ABHD2: variants seen among roughly 807,000 people sequenced by gnomAD.
ABHD2 encodes the protein abhydrolase domain containing 2, acylglycerol lipase.
In ABHD2, 20 loss-of-function variants were observed where a neutral mutation model predicts 48.1. The observed-to-expected ratio is 0.42, with a 90% CI of 0.29 to 0.60. The LOEUF (loss-of-function observed/expected upper bound fraction) is 0.60, where lower values mean the gene tolerates loss of function less well. Ranked by LOEUF, ABHD2 falls within the 20% of genes least tolerant of loss-of-function variation. The pLI is 0.24. For missense variants in ABHD2, 405 were observed against 550.9 expected, an observed-to-expected ratio of 0.74 and a Z score of 2.65; for synonymous variants, 209 against 214.2, an observed-to-expected ratio of 0.98 and a Z score of 0.21.
the ABHD2 span, among the ~76,000 whole-genome samples, chr15:89,041,789 G>A: frequency 2.0e-3 from 302 of 152,290 alleles, 2 homozygotes; most frequent in African/African-American, 6.0e-3. Flanking sequence ...CAGGGCCCAC[G>A]GCACCCAGAC....
At chr15:89,077,997 T>C in the ABHD2 span, among the ~76,000 whole-genome samples, 1 of 152,218 alleles carries the variant, frequency 6.6e-6, no homozygotes, top group Admixed American at 6.5e-5. Context: ...TCCCTTTCCC[T>C]TGAATATATG....
the ABHD2 span, among the ~76,000 whole-genome samples, chr15:89,080,478 C>T: frequency 6.6e-6 from 1 of 152,066 alleles, no homozygotes; most frequent in African/African-American, 2.4e-5. Flanking sequence ...AAGAAGAGCC[C>T]CCTTGGTGTT....
the ABHD2 span, among the ~76,000 whole-genome samples, chr15:89,044,348 A>C: frequency 6.6e-6 from 1 of 152,266 alleles, no homozygotes; most frequent in Admixed American, 6.5e-5. Context: ...ATTGTGAATA[A>C]TGCCGCAATA....
the ABHD2 span, among the ~76,000 whole-genome samples, chr15:89,060,139 G>A: frequency 7.2e-6 from 1 of 139,286 alleles, no homozygotes; most frequent in South Asian, 2.2e-4. Context: ...TGCCCAGGCT[G>A]GAGTGCAATG....
intron 3 of ABHD2, among the ~76,000 whole-genome samples, chr15:89,141,638 A>G (rs2050404853): frequency 1.3e-5 from 2 of 152,108 alleles, no homozygotes; most frequent in Non-Finnish European, 2.9e-5. Context: ...AAAAAGTTAA[A>G]GCAGGAAGAG....
In ABHD2 at chr15:89,174,522, G is replaced by T. The variant is rs2050979889; in HGVS notation, c.539-1290G>T. On this transcript the variant is annotated intron_variant, in intron 5 of 10. Coordinates refer to ENST00000352732, the MANE Select transcript of ABHD2 (RefSeq NM_152924.5). The surrounding 1 kb of genome is among the most constrained non-coding windows in gnomAD (Gnocchi z 4.1). The stretch of plus-strand genomic sequence containing the variant: ...GCTTAGGCTACATCCTACCACAAAA[G>T]AAGACAGATATAAGGGGAGTTTACC... Among the ~76,000 whole-genome samples the T allele has an allele frequency of 6.6e-6, 1 of 152,166 alleles. No individual in the cohort carries two copies. Among genetic ancestry groups the T allele is most frequent in the Non-Finnish European group, 1.5e-5 (1 of 68,022 alleles).
In ABHD2 at chr15:89,168,504, C is replaced by T. The variant is rs1299366757; in HGVS notation, c.539-7308C>T. On this transcript the variant is annotated intron_variant, in intron 5 of 10. Transcript: ENST00000352732. This position sits in a 1 kb window ranked among gnomAD's most constrained non-coding sequence, Gnocchi z 4.8. ...AGAAGGCTGATCCTGGAGCTGGGCA[C>T]CATGTCTTTGCCCTTCCCTTGCATG... Among the ~76,000 whole-genome samples the T allele has an allele frequency of 6.6e-6, 1 of 152,162 alleles. No homozygotes were observed. The highest frequency in any genetic ancestry group is 1.5e-5 in the Non-Finnish European group (1 of 68,028).
chr15:89,156,417 C>A (rs8037850), intron 5 of ABHD2, among the ~76,000 whole-genome samples: 89,181 of 151,932 alleles, frequency 0.59, 27,884 homozygotes, highest in East Asian at 0.84. Context: ...CACCGCGCCC[C>A]GCCTTTTTAT....
rs2050969515 is a variant in ABHD2 at position 89,173,926 on chromosome 15, T to C, written c.539-1886T>C. Among the ~76,000 whole-genome samples, 1 of 152,116 alleles carries C rather than the reference T, an allele frequency of 6.6e-6. No individual in the cohort carries two copies. The highest frequency in any genetic ancestry group is 2.4e-5 in the African/African-American group (1 of 41,406). On this transcript the variant is annotated intron_variant, in intron 5 of 10. Transcript: ENST00000352732. This position sits in a 1 kb window ranked among gnomAD's most constrained non-coding sequence, Gnocchi z 6.5. The stretch of plus-strand genomic sequence containing the variant: ...GCTCTTGGCCCGGTTTTTCCCTTAG[T>C]TTTAGGCATCTCTTGCTTAAGCTCC...
chr15:89,084,843 A>C (rs1901328235), upstream of ABHD2, among the ~76,000 whole-genome samples: 1 of 152,158 alleles, frequency 6.6e-6, no homozygotes, highest in East Asian at 1.9e-4. This position sits in a 1 kb window ranked among gnomAD's most constrained non-coding sequence, Gnocchi z 4.4. Flanking sequence ...TGAGACAAGC[A>C]CTTCACTGTC....
chr15:89,127,720 C>CATATATATATATATATAT (rs1567080056), intron 3 of ABHD2, among the ~76,000 whole-genome samples: 9 of 69,762 alleles, frequency 1.3e-4, no homozygotes, highest in African/African-American at 4.4e-4. Flanking sequence ...TATATATATA[C>CATATATATATATATATAT]ACATATATAT....
At chr15:89,061,613 C>T in the ABHD2 span, among the ~76,000 whole-genome samples, 13,020 of 152,060 alleles carry the variant, frequency 0.086, 788 homozygotes, top group Non-Finnish European at 0.13. Context: ...CACTTTATCA[C>T]CCAGACTGGA....
rs910353492 is a variant in ABHD2 at position 89,102,557 on chromosome 15, T to C, written c.-106-11168T>C. On this transcript the variant is annotated intron_variant, in intron 1 of 10. Coordinates refer to ENST00000352732, the MANE Select transcript of ABHD2 (RefSeq NM_152924.5). This position sits in a 1 kb window ranked among gnomAD's most constrained non-coding sequence, Gnocchi z 4.8. ...TATCCACGAGGGTGCTCCCTACTTATGCCAGTGAATTAATTTTTGGTAAGT... is the reference window on the plus strand; with the variant it reads ...TATCCACGAGGGTGCTCCCTACTTACGCCAGTGAATTAATTTTTGGTAAGT... 2 of 152,244 alleles carry C rather than the reference T, an allele frequency of 1.3e-5. No homozygotes were observed. The highest frequency in any genetic ancestry group is 4.8e-5 in the African/African-American group (2 of 41,464). 9.4% of individuals were successfully genotyped at this position (152,244 alleles called of 1,614,324 possible).
intron 5 of ABHD2, among the ~76,000 whole-genome samples, chr15:89,157,566 G>T (rs1261907060): frequency 6.6e-6 from 1 of 152,158 alleles, no homozygotes; most frequent in African/African-American, 2.4e-5. Context: ...GAATTTGGCC[G>T]AGCGCAGTAG....
At chr15:89,169,435 C>T (rs532111336) in intron 5 of ABHD2, among the ~76,000 whole-genome samples, 1 of 152,278 alleles carries the variant, frequency 6.6e-6, no homozygotes, top group East Asian at 1.9e-4. Context: ...TGAGTGCCCA[C>T]CAAGTATCTG....
chr15:89,084,631 T>G (rs1386050233), upstream of ABHD2, among the ~76,000 whole-genome samples: 1 of 152,214 alleles, frequency 6.6e-6, no homozygotes, highest in Non-Finnish European at 1.5e-5. The surrounding 1 kb of genome is among the most constrained non-coding windows in gnomAD (Gnocchi z 4.4). Context: ...AGTCTATCTA[T>G]ATTTTCTAAA....
intron 5 of ABHD2, among the ~76,000 whole-genome samples, chr15:89,165,751 C>T (rs982140872): frequency 1.6e-4 from 25 of 152,152 alleles, no homozygotes; most frequent in Non-Finnish European, 2.1e-4. Flanking sequence ...AATCTTTAAT[C>T]GAGGCACTGC....
At chr15:89,145,924 CCTTT>C (rs1209285803) in intron 3 of ABHD2, among the ~76,000 whole-genome samples, 3 of 152,194 alleles carry the variant, frequency 2.0e-5, no homozygotes, top group Non-Finnish European at 4.4e-5. Flanking sequence ...TCTGTGTACT[CCTTT>C]CTTAAGTTAG....
chr15:89,135,933 T>C, intron 3 of ABHD2: 4 of 492,600 alleles, frequency 8.1e-6, no homozygotes, highest in Non-Finnish European at 3.7e-6. Flanking sequence ...TAACTTTTTT[T>C]TTTTTCTTTT....
Sources: allele counts gnomAD v4.1 joint callset (sites outside exome capture counted in the v4.1 genomes callset), GRCh38; gene constraint gnomAD v4.1.1; non-coding constraint Gnocchi (gnomAD v3.1); transcripts MANE v1.5; gene names NCBI Gene and HGNC (gene_info 2026-07-23, HGNC 2026-07-21).